The following TRAPPC9 variants were observed in gnomAD, a reference collection of about 807,000 sequenced individuals.
TRAPPC9 encodes IKK2 binding protein.
TRAPPC9 carries 83 observed loss-of-function variants against 124.0 expected under a neutral mutation model. The ratio of observed to expected loss-of-function variants is 0.67; its 90% CI spans 0.56 to 0.80. TRAPPC9 has a LOEUF of 0.80. Among genes scored for constraint, TRAPPC9 ranks in the 30% least tolerant of loss-of-function variants. The probability of loss-of-function intolerance (pLI) is 0.00; values close to 1 mark genes in which losing one functional copy is unlikely to be tolerated. For missense variants in TRAPPC9, 1,302 were observed against 1,508.3 expected, an observed-to-expected ratio of 0.86 and a Z score of 2.27; for synonymous variants, 638 against 617.5, an observed-to-expected ratio of 1.03 and a Z score of -0.49.
rs1390393525 is a variant in TRAPPC9, at chr8:140,216,612, G to A, written c.2556+4847C>T. On this transcript the variant is annotated intron_variant, in intron 17 of 22. Coordinates refer to ENST00000438773, the MANE Select transcript of TRAPPC9 (RefSeq NM_001160372.4). The surrounding 1 kb of genome is among the most constrained non-coding windows in gnomAD (Gnocchi z 4.1). ...TCTGAAACCCTTGGCAGCCTGGCCT[G>A]TCTCCTCTCAGCCCTCTCCGTGCTC... Among the ~76,000 whole-genome samples, 6 of 152,170 alleles carry A rather than the reference G, an allele frequency of 3.9e-5. No homozygotes were observed. The highest frequency in any genetic ancestry group is 1.4e-4 in the African/African-American group (6 of 41,450).
At chr8:140,004,858 C>T (rs1432209829) in intron 18 of TRAPPC9, among the ~76,000 whole-genome samples, 1 of 152,140 alleles carries the variant, frequency 6.6e-6, no homozygotes, top group African/African-American at 2.4e-5. Context: ...CAGGAGTGTA[C>T]TAAAGTGAAT....
chr8:139,916,047 T>C (rs1376743796), intron 19 of TRAPPC9, among the ~76,000 whole-genome samples: 1 of 152,192 alleles, frequency 6.6e-6, no homozygotes, highest in Non-Finnish European at 1.5e-5. Context: ...AAGGCAGGAC[T>C]TCAGGGGAGC....
rs1248079788 is a variant in TRAPPC9, at chr8:139,983,667, T to C, written c.2810+5059A>G. ...CCCAGTTTGCTTCTCCATCTCACCC[T>C]TTCTTCTGCTGGGTGAAGCTGGACT... On this transcript the variant is annotated intron_variant, in intron 19 of 22. Transcript: ENST00000438773. Among the ~76,000 whole-genome samples, 16 of 152,148 alleles carry C rather than the reference T, an allele frequency of 1.1e-4. 1 individual carries two copies. Among genetic ancestry groups the C allele is most frequent in the Admixed American group, 1.0e-3 (16 of 15,278 alleles).
intron 20 of TRAPPC9, among the ~76,000 whole-genome samples, chr8:139,900,193 A>G (rs139966943): frequency 3.9e-5 from 6 of 152,268 alleles, no homozygotes; most frequent in African/African-American, 1.2e-4. Flanking sequence ...TTAGACCCTG[A>G]GCCCGTGTGC....
At chr8:139,840,497 G>A (rs1233945909) in intron 21 of TRAPPC9, among the ~76,000 whole-genome samples, 1 of 152,332 alleles carries the variant, frequency 6.6e-6, no homozygotes, top group Non-Finnish European at 1.5e-5. Context: ...ACTTAGCAGC[G>A]GTGGACGTTG....
chr8:140,088,335 T>C lies in TRAPPC9; in HGVS notation c.2557-64256A>G, dbSNP rs138391701. Among the ~76,000 whole-genome samples the C allele has an allele frequency of 2.1e-3, 322 of 152,290 alleles. 1 individual carries two copies. The highest frequency in any genetic ancestry group is 7.1e-3 in the African/African-American group (297 of 41,566). ...TAGTTATGCAAGAAATGTGAAAATC[T>C]ATCACCTAAGAGGTATCCATCCTCA... On this transcript the variant is annotated intron_variant, in intron 17 of 22. Transcript: ENST00000438773.
chr8:139,848,239 C>T (rs1012958927), intron 21 of TRAPPC9, among the ~76,000 whole-genome samples: 24 of 152,338 alleles, frequency 1.6e-4, no homozygotes, highest in African/African-American at 4.8e-4. Context: ...GCATCACACG[C>T]GAGGGGCACT....
At chr8:140,220,184 G>A (rs2063303451) in intron 17 of TRAPPC9, among the ~76,000 whole-genome samples, 1 of 152,238 alleles carries the variant, frequency 6.6e-6, no homozygotes, top group South Asian at 2.1e-4. Context: ...AGCGCCAGGG[G>A]AGGGTGGTGG....
At chr8:139,783,060 A>G (rs896857531) in intron 21 of TRAPPC9, among the ~76,000 whole-genome samples, 2 of 152,124 alleles carry the variant, frequency 1.3e-5, no homozygotes, top group African/African-American at 4.8e-5. Context: ...GCTTACAAGG[A>G]AATTCATAGC....
chr8:139,775,838 C>T (rs1821323376), intron 21 of TRAPPC9, among the ~76,000 whole-genome samples: 1 of 152,374 alleles, frequency 6.6e-6, no homozygotes, highest in South Asian at 2.1e-4. Context: ...ATCTGTCCTT[C>T]CTGCCCAGTA....
intron 9 of TRAPPC9, among the ~76,000 whole-genome samples, chr8:140,350,586 A>T (rs2067532528): frequency 6.6e-6 from 1 of 151,722 alleles, no homozygotes; most frequent in Non-Finnish European, 1.5e-5. Context: ...AGACTGGGAA[A>T]CGCAAAGCGG....
intron 19 of TRAPPC9, among the ~76,000 whole-genome samples, chr8:139,952,598 A>T (rs1834708977): frequency 6.6e-6 from 1 of 152,018 alleles, no homozygotes; most frequent in Admixed American, 6.5e-5. Context: ...GAACAAGAGG[A>T]TAGAAAAAAG....
At chr8:139,862,182 G>A (rs192697933) in intron 21 of TRAPPC9, among the ~76,000 whole-genome samples, 185 of 152,374 alleles carry the variant, frequency 1.2e-3, no homozygotes, top group Middle Eastern at 6.8e-3. Flanking sequence ...GGGAGACACC[G>A]CCAGGGCACT....
At chr8:140,334,950 T>G (rs570917274) in intron 9 of TRAPPC9, among the ~76,000 whole-genome samples, 1 of 152,058 alleles carries the variant, frequency 6.6e-6, no homozygotes, top group African/African-American at 2.4e-5. Flanking sequence ...AGAAGCAGCA[T>G]GAAAAACCAT....
intron 17 of TRAPPC9, chr8:140,100,360 G>C (rs940331274): frequency 6.6e-6 from 1 of 152,656 alleles, no homozygotes. Flanking sequence ...CACCCAGCCA[G>C]GTCTCAGCGC....
chr8:139,792,589 A>C lies in TRAPPC9; in HGVS notation c.3056-60387T>G, dbSNP rs1460892737. Among the ~76,000 whole-genome samples, 10 of 152,264 alleles carry C rather than the reference A, an allele frequency of 6.6e-5. 1 individual carries two copies. In the South Asian group the frequency reaches 1.4e-3, roughly 22 times the overall value. Reference sequence around the variant, plus strand: ...GGGGTAGGCCAGGGCCAGGCTGGGGAGCCAGGGCCACCAGCCTAGAAGCCC... The same window carrying C: ...GGGGTAGGCCAGGGCCAGGCTGGGGCGCCAGGGCCACCAGCCTAGAAGCCC... On this transcript the variant is annotated intron_variant, in intron 21 of 22. Transcript: ENST00000438773.
intron 21 of TRAPPC9, among the ~76,000 whole-genome samples, chr8:139,763,941 G>A (rs756713875): frequency 6.6e-6 from 1 of 152,242 alleles, no homozygotes; most frequent in Non-Finnish European, 1.5e-5. Context: ...GGACTCGGGA[G>A]GTTAGCAGTA....
intron 18 of TRAPPC9, among the ~76,000 whole-genome samples, chr8:140,003,726 C>G (rs1032748702): frequency 4.6e-5 from 7 of 151,978 alleles, no homozygotes; most frequent in Non-Finnish European, 8.8e-5. Context: ...AAACAGAGCA[C>G]TTATCCACTG....
At chr8:139,993,509 G>C (rs1837771640) in intron 18 of TRAPPC9, among the ~76,000 whole-genome samples, 1 of 152,218 alleles carries the variant, frequency 6.6e-6, no homozygotes, top group Non-Finnish European at 1.5e-5. Flanking sequence ...CAGAAAAAGA[G>C]TTTGACCGAA....
Sources: gnomAD v4.1 joint callset for allele counts (sites outside exome capture counted in the v4.1 genomes callset) on GRCh38, gnomAD v4.1.1 for gene constraint, Gnocchi (gnomAD v3.1) non-coding constraint, MANE v1.5 for transcripts, NCBI Gene and HGNC (gene_info 2026-07-23, HGNC 2026-07-21) for gene names.